Variants in ZSCAN20 observed in about 807,000 individuals in gnomAD.
ZSCAN20 encodes zinc finger and SCAN domain-containing protein 20.
In ZSCAN20, 39 loss-of-function variants were observed where a neutral mutation model predicts 97.1. That is an observed-to-expected ratio of 0.40 (90% CI 0.31 to 0.52). The LOEUF is 0.52. Among genes scored for constraint, ZSCAN20 ranks in the 20% least tolerant of loss-of-function variants. ZSCAN20 has a pLI of 0.49. For synonymous variants in ZSCAN20, 456 were observed against 467.3 expected (o/e 0.98, Z 0.31); for missense variants, 1,115 against 1,290.4 (o/e 0.86, Z 2.08).
Position 33,500,600 on chromosome 1 carries a change from T to A in ZSCAN20, c.*5124T>A, listed in dbSNP as rs1026829674. Among the ~76,000 whole-genome samples the A allele has an allele frequency of 2.0e-5, 3 of 151,954 alleles. No individual in the cohort carries two copies. Among genetic ancestry groups the A allele is most frequent in the Non-Finnish European group, 4.4e-5 (3 of 68,016 alleles). On this transcript the variant is annotated 3_prime_UTR_variant, in exon 8 of 8. Transcript: ENST00000684572. ...CTAATGAGGGCGCTGTTGGTGATTC[T>A]TTTTGTGTGTAAAGATGCTTCTGAT...
chr1:33,479,191 CA>C lies in ZSCAN20; in HGVS notation c.-97del. On this transcript the variant is annotated 5_prime_UTR_variant, in exon 2 of 8. Coordinates refer to ENST00000684572, the MANE Select transcript of ZSCAN20 (RefSeq NM_001377376.1). ...CTTTCTGCCTTAGAGCCTTGGGGAGCAGTCCCTTTTCTAGGAGCCTCTTGAA... is the reference window on the plus strand; with the variant it reads ...CTTTCTGCCTTAGAGCCTTGGGGAGCGTCCCTTTTCTAGGAGCCTCTTGAA... 1.5e-6 allele frequency: 2 copies of C among 1,309,068 alleles called. No homozygotes were observed. Among genetic ancestry groups the C allele is most frequent in the Non-Finnish European group, 2.1e-6 (2 of 947,610 alleles). The allele number at this position is 1,309,068 out of a possible 1,614,324, so 81.1% of individuals were successfully genotyped here.
chr1:33,495,003 A>C lies in ZSCAN20; in HGVS notation c.2659A>C (p.Ser887Arg), dbSNP rs746162552. 1 of 1,614,104 alleles carries C rather than the reference A, an allele frequency of 6.2e-7. No homozygotes were observed. The highest frequency in any genetic ancestry group is 8.5e-7 in the Non-Finnish European group (1 of 1,179,988). The change falls in exon 8 of 8, where the codon AGC becomes CGC. Residue 887 changes from serine (S) to arginine (R), a missense_variant. By Grantham distance (110) the Ser-to-Arg change is moderately radical. This residue lies in a region of ZSCAN20 where 554 missense variants were observed against 584.9 expected (regional missense o/e 0.95). Coordinates refer to ENST00000684572, the MANE Select transcript of ZSCAN20 (RefSeq NM_001377376.1). Reference protein sequence around the residue: ...CSECGRSFSKSSALISHQRIH... With the variant: ...CSECGRSFSKRSALISHQRIH... ...TGAATGTGGAAGAAGCTTCTCTAAG[A>C]GCTCTGCCCTCATTAGTCACCAAAG...
chr1:33,476,008 T>A (rs1651925614), intron 1 of ZSCAN20, among the ~76,000 whole-genome samples: 1 of 152,122 alleles, frequency 6.6e-6, no homozygotes, highest in Non-Finnish European at 1.5e-5. Flanking sequence ...AAGTTACAGA[T>A]CAGTGAAATG....
chr1:33,498,204 G>A lies in ZSCAN20; in HGVS notation c.*2728G>A, dbSNP rs1652942787. ...CCCTGAGTTTTCTGGAGCCCTCACTGTGGAAGTCAAGCTGAGCTCTGTGTG... is the reference window on the plus strand; with the variant it reads ...CCCTGAGTTTTCTGGAGCCCTCACTATGGAAGTCAAGCTGAGCTCTGTGTG... On this transcript the variant is annotated 3_prime_UTR_variant, in exon 8 of 8. Coordinates refer to ENST00000684572, the MANE Select transcript of ZSCAN20 (RefSeq NM_001377376.1). 6.6e-6 allele frequency among the ~76,000 whole-genome samples: 1 copy of A among 152,146 alleles called. No homozygotes were observed. The highest frequency in any genetic ancestry group is 6.5e-5 in the Admixed American group (1 of 15,278).
At position 33,488,466 on chromosome 1, in the gene ZSCAN20, G is replaced by T; in HGVS notation, c.419G>T (p.Gly140Val). Residue 140 changes from glycine to valine, a missense_variant and splice_region_variant, in exon 3 of 8, where the codon GGA becomes GTA. Gly to Val is a moderately radical substitution (Grantham distance 109). Around this residue, in one of 3 missense-constraint regions of ZSCAN20, gnomAD observed 508 missense variants for 611.2 expected, o/e 0.83. Transcript: ENST00000684572. Reference sequence around the variant, plus strand: ...GGAATTTTGACTATTTGTGTGTAGGGACTGGAATTGCATACAGAAGAGACC... The same window carrying T: ...GGAATTTTGACTATTTGTGTGTAGGTACTGGAATTGCATACAGAAGAGACC... ...HRETRTAGQS[G>V]LELHTEETRP... The T allele has an allele frequency of 6.2e-7, 1 of 1,611,232 alleles. No individual in the cohort carries two copies. Among genetic ancestry groups the T allele is most frequent in the South Asian group, 1.1e-5 (1 of 90,516 alleles).
chr1:33,478,804 G>C (rs1652029826), intron 1 of ZSCAN20, among the ~76,000 whole-genome samples: 1 of 152,114 alleles, frequency 6.6e-6, no homozygotes, highest in Non-Finnish European at 1.5e-5. Flanking sequence ...GTCTACACTG[G>C]ACCAGATCAT....
At chr1:33,476,095 G>T (rs950681076) in intron 1 of ZSCAN20, among the ~76,000 whole-genome samples, 4 of 152,222 alleles carry the variant, frequency 2.6e-5, no homozygotes, top group Non-Finnish European at 4.4e-5. Flanking sequence ...ACAGCACTGT[G>T]CCTGGCACCT....
chr1:33,490,352 A>G (rs900193449), intron 5 of ZSCAN20, among the ~76,000 whole-genome samples: 4 of 152,194 alleles, frequency 2.6e-5, no homozygotes, highest in African/African-American at 9.6e-5. Context: ...ATTTATTTCA[A>G]TTAAAGGCTT....
At chr1:33,494,156 C>T (rs1652739535) in intron 7 of ZSCAN20, 62 bp from the exon 8 acceptor site, 2 of 1,449,860 alleles carry the variant, frequency 1.4e-6, no homozygotes. Context: ...CAGACACACA[C>T]AAACACACAC....
intron 2 of ZSCAN20, among the ~76,000 whole-genome samples, chr1:33,481,164 G>A (rs191745433): frequency 1.3e-5 from 2 of 152,220 alleles, no homozygotes; most frequent in East Asian, 3.9e-4. Context: ...GAGAGAGTGT[G>A]CCTTATTTTA....
intron 1 of ZSCAN20, among the ~76,000 whole-genome samples, chr1:33,473,207 C>G (rs1020149699): frequency 1.3e-5 from 2 of 152,134 alleles, no homozygotes; most frequent in Admixed American, 6.5e-5. Context: ...TTCCTTATGT[C>G]TTATGGAAGT....
Position 33,491,585 on chromosome 1 carries a change from G to A in ZSCAN20, c.1327G>A (p.Gly443Arg), listed in dbSNP as rs758706304. The A allele has an allele frequency of 2.5e-6, 4 of 1,613,848 alleles. No individual in the cohort carries two copies. Among genetic ancestry groups the A allele is most frequent in the Non-Finnish European group, 2.5e-6 (3 of 1,179,808 alleles). Residue 443 changes from glycine to arginine, a missense_variant, in exon 6 of 8, where the codon GGG becomes AGG. Physicochemically the swap from Gly to Arg is moderately radical, Grantham distance 125 (BLOSUM62 -2). Around this residue, in one of 3 missense-constraint regions of ZSCAN20, gnomAD observed 508 missense variants for 611.2 expected, o/e 0.83. Transcript: ENST00000684572. This position sits in a 1 kb window ranked among gnomAD's most constrained non-coding sequence, Gnocchi z 4.3. Reference sequence around the variant, plus strand: ...CGCAGAGATGGATGAGCAGGAGGAAGGGGGCTGGGATCCTGAAGAAATGGC... The same window carrying A: ...CGCAGAGATGGATGAGCAGGAGGAAAGGGGCTGGGATCCTGAAGAAATGGC... ...SDAEMDEQEE[G>R]GWDPEEMAED...
At chr1:33,489,709 G>A (rs1570559169) in intron 5 of ZSCAN20, 107 bp downstream of exon 5, 2 of 998,258 alleles carry the variant, frequency 2.0e-6, no homozygotes, top group East Asian at 5.2e-5. Context: ...GCAGTCTCTG[G>A]AATTTCAGAA....
chr1:33,488,437 A>G (rs777115887), intron 2 of ZSCAN20, 28 bp from the exon 3 acceptor site: 2 of 1,605,388 alleles, frequency 1.2e-6, no homozygotes, highest in Non-Finnish European at 1.7e-6. Flanking sequence ...TGAATTGTTG[A>G]TTGGGAATTT....
At position 33,488,380 on chromosome 1, in the gene ZSCAN20, T is replaced by C; in HGVS notation, c.418-85T>C. The stretch of plus-strand genomic sequence containing the variant: ...CATTTTGGATCTTAAAAGAGCCTGT[T>C]AGCCTCTGGACTGCAGTTGTACTCA... On this transcript the variant is annotated intron_variant, in intron 2 of 7. Coordinates refer to ENST00000684572, the MANE Select transcript of ZSCAN20 (RefSeq NM_001377376.1). The C allele has an allele frequency of 1.2e-5, 17 of 1,362,584 alleles. No individual in the cohort carries two copies. The South Asian group carries it at 2.3e-4, about 18-fold the overall frequency. 84.4% of individuals were successfully genotyped at this position (1,362,584 alleles called of 1,614,324 possible).
chr1:33,494,765 A>G lies in ZSCAN20; in HGVS notation c.2421A>G (p.Ser807=). ...GTTGGAAAAGCTTCAACCAGAGCTC[A>G]AACCTTCTGAAACATCAGAGAATCC... ...GECWKSFNQS[S]NLLKHQRIHL... Residue 807 remains serine (S), a synonymous_variant, in exon 8 of 8, where the codon TCA becomes TCG. Coordinates refer to ENST00000684572, the MANE Select transcript of ZSCAN20 (RefSeq NM_001377376.1). The G allele has an allele frequency of 6.2e-7, 1 of 1,614,100 alleles. No homozygotes were observed. Among genetic ancestry groups the G allele is most frequent in the Non-Finnish European group, 8.5e-7 (1 of 1,180,002 alleles).
intron 1 of ZSCAN20, among the ~76,000 whole-genome samples, chr1:33,478,247 C>T (rs533196912): frequency 5.3e-5 from 8 of 151,996 alleles, no homozygotes; most frequent in African/African-American, 9.7e-5. Context: ...GAGGCAGGGA[C>T]GTGTTAGGAG....
rs1442462975 is a variant in ZSCAN20, at chr1:33,499,352, T to G, written c.*3876T>G. Among the ~76,000 whole-genome samples the G allele has an allele frequency of 6.6e-6, 1 of 152,196 alleles. No individual in the cohort carries two copies. Among genetic ancestry groups the G allele is most frequent in the East Asian group, 1.9e-4 (1 of 5,190 alleles). ...CTCTGTTTCCCTTTCTCTTCTTTTTTTCTTTTCCTTTCTTTCTCTCTTTTC... is the reference window on the plus strand; with the variant it reads ...CTCTGTTTCCCTTTCTCTTCTTTTTGTCTTTTCCTTTCTTTCTCTCTTTTC... On this transcript the variant is annotated 3_prime_UTR_variant, in exon 8 of 8. Coordinates refer to ENST00000684572, the MANE Select transcript of ZSCAN20 (RefSeq NM_001377376.1).
chr1:33,489,124 C>T lies in ZSCAN20; in HGVS notation c.614C>T (p.Thr205Ile). ...TTTTTCTTTTCCTCAGCTGTCCTCA[C>T]TCCCCGAGTCCCTACTCTCCCAAAG... ...PQPLKESAVL[T>I]PRVPTLPKMG... The change falls in exon 4 of 8, where the codon ACT becomes ATT. Residue 205 changes from threonine to isoleucine, a missense_variant. By Grantham distance (89) the Thr-to-Ile change is moderately conservative. Around this residue, in one of 3 missense-constraint regions of ZSCAN20, gnomAD observed 508 missense variants for 611.2 expected, o/e 0.83. Coordinates refer to ENST00000684572, the MANE Select transcript of ZSCAN20 (RefSeq NM_001377376.1). 6.2e-7 allele frequency: 1 copy of T among 1,612,734 alleles called. No homozygotes were observed.
Sources: allele counts gnomAD v4.1 joint callset (sites outside exome capture counted in the v4.1 genomes callset), GRCh38; gene constraint gnomAD v4.1.1; regional missense constraint gnomAD v4.1.1; non-coding constraint Gnocchi (gnomAD v3.1); transcripts MANE v1.5; gene names NCBI Gene and HGNC (gene_info 2026-07-23, HGNC 2026-07-21).